The following ZMIZ1 variants were observed in gnomAD, a reference collection of about 807,000 sequenced individuals.
The protein encoded by ZMIZ1 is zinc finger MIZ-type containing 1.
In ZMIZ1, 17 loss-of-function variants were observed where a neutral mutation model predicts 113.9. The observed-to-expected ratio is 0.15, with a 90% CI of 0.10 to 0.22. ZMIZ1 has a LOEUF of 0.22. Among genes scored for constraint, ZMIZ1 ranks in the 10% least tolerant of loss-of-function variants. The pLI, the probability that ZMIZ1 is intolerant of heterozygous loss-of-function variation, is 1.00. For missense variants in ZMIZ1, 1,059 were observed against 1,477.8 expected (o/e 0.72, Z 4.65); for synonymous variants, 607 against 603.1 (o/e 1.01, Z -0.09).
At chr10:79,306,442 G>T (rs1371025136) in intron 22 of ZMIZ1, 98 bp downstream of exon 22, 3 of 1,533,118 alleles carry the variant, frequency 2.0e-6, no homozygotes, top group African/African-American at 2.7e-5. Flanking sequence ...GGGGTCGGGG[G>T]TGTGGTTGAA....
chr10:79,263,288 A>G (rs988128497), intron 7 of ZMIZ1, among the ~76,000 whole-genome samples: 1 of 152,206 alleles, frequency 6.6e-6, no homozygotes, highest in African/African-American at 2.4e-5. Context: ...AGGAACGAAT[A>G]GCCTTCTGAG....
At chr10:79,299,472 T>C (rs1028090178) in intron 16 of ZMIZ1, among the ~76,000 whole-genome samples, 9 of 152,248 alleles carry the variant, frequency 5.9e-5, no homozygotes, top group African/African-American at 2.2e-4. Flanking sequence ...TGGGAAGCTG[T>C]GTATCCCATC....
At chr10:79,268,121 G>A (rs946234715) in intron 7 of ZMIZ1, among the ~76,000 whole-genome samples, 1 of 152,222 alleles carries the variant, frequency 6.6e-6, no homozygotes, top group Non-Finnish European at 1.5e-5. Flanking sequence ...TCTCCAGGGA[G>A]CCCTGGGTGA....
Position 79,101,669 on chromosome 10 carries a change from C to T in ZMIZ1, c.-336-17246C>T, listed in dbSNP as rs141004930. On this transcript the variant is annotated intron_variant, in intron 1 of 24. Transcript: ENST00000334512. Reference sequence around the variant, plus strand: ...TCTCTAGGTAGGCAACTGGCACCTGCCTCCATCTGGGTGAACCAGGGCAGG... The same window carrying T: ...TCTCTAGGTAGGCAACTGGCACCTGTCTCCATCTGGGTGAACCAGGGCAGG... Among the ~76,000 whole-genome samples the T allele has an allele frequency of 1.0e-3, 155 of 152,306 alleles. 1 individual carries two copies. The highest frequency in any genetic ancestry group is 3.5e-3 in the African/African-American group (147 of 41,556).
At chr10:79,249,053 A>G (rs909048280) in intron 7 of ZMIZ1, among the ~76,000 whole-genome samples, 2 of 152,072 alleles carry the variant, frequency 1.3e-5, no homozygotes, top group African/African-American at 4.8e-5. Context: ...GTCTGGTTCA[A>G]CCCCTGTGTG....
At chr10:79,144,224 C>G (rs983701073) in intron 3 of ZMIZ1, among the ~76,000 whole-genome samples, 1 of 152,222 alleles carries the variant, frequency 6.6e-6, no homozygotes, top group African/African-American at 2.4e-5. Context: ...CTGGACTTAC[C>G]TCCATTGAAC....
chr10:79,305,741 C>A, intron 21 of ZMIZ1, 140 bp downstream of exon 21: 1 of 892,440 alleles, frequency 1.1e-6, no homozygotes, highest in Non-Finnish European at 1.8e-6. Context: ...ACCTCTCTGT[C>A]CCTTACCCTC....
At chr10:79,092,622 C>T (rs1343556492) in intron 1 of ZMIZ1, among the ~76,000 whole-genome samples, 1 of 152,208 alleles carries the variant, frequency 6.6e-6, no homozygotes, top group Non-Finnish European at 1.5e-5. Flanking sequence ...TTTCTGTGTA[C>T]GCTTCTTGGT....
intron 3 of ZMIZ1, among the ~76,000 whole-genome samples, chr10:79,153,367 A>C (rs1223533710): frequency 1.3e-5 from 2 of 152,176 alleles, no homozygotes; most frequent in African/African-American, 4.8e-5. Flanking sequence ...GCAGATAGAG[A>C]GACAGAGATG....
intron 23 of ZMIZ1, 145 bp from the exon 24 acceptor site, chr10:79,310,779 A>G (rs1213237249): frequency 4.1e-6 from 4 of 964,216 alleles, no homozygotes; most frequent in South Asian, 3.5e-5. Flanking sequence ...TTCTCTGCCC[A>G]GAAACAACGT....
chr10:79,111,118 T>C (rs1183673629), intron 1 of ZMIZ1, among the ~76,000 whole-genome samples: 1 of 152,228 alleles, frequency 6.6e-6, no homozygotes, highest in Non-Finnish European at 1.5e-5. Context: ...CCTGTGGGCT[T>C]CCCAGTCTGT....
chr10:79,248,912 A>G (rs1282016015), intron 7 of ZMIZ1, among the ~76,000 whole-genome samples: 1 of 151,706 alleles, frequency 6.6e-6, no homozygotes, highest in Admixed American at 6.6e-5. Context: ...CCACCCTCCC[A>G]GGGCTCCAGT....
intron 7 of ZMIZ1, among the ~76,000 whole-genome samples, chr10:79,257,413 A>G (rs1850983650): frequency 6.6e-6 from 1 of 152,252 alleles, no homozygotes; most frequent in Non-Finnish European, 1.5e-5. Flanking sequence ...AGGACTGGGC[A>G]CCATCTAGAG....
chr10:79,136,377 C>G (rs752404501), intron 2 of ZMIZ1, among the ~76,000 whole-genome samples: 1 of 152,266 alleles, frequency 6.6e-6, no homozygotes, highest in African/African-American at 2.4e-5. Flanking sequence ...GACCCCAGCC[C>G]TGCCTTGGGC....
At chr10:79,298,843 G>A (rs1250695965) in intron 15 of ZMIZ1, among the ~76,000 whole-genome samples, 1 of 152,236 alleles carries the variant, frequency 6.6e-6, no homozygotes, top group Non-Finnish European at 1.5e-5. Context: ...TGGAAGAAGA[G>A]GGGATGAGTC....
At chr10:79,240,715 ATAT>A in intron 7 of ZMIZ1, among the ~76,000 whole-genome samples, 2 of 118,406 alleles carry the variant, frequency 1.7e-5, no homozygotes, top group African/African-American at 3.4e-5. Flanking sequence ...GGAGGAGCGT[ATAT>A]TAATTCTCTT....
chr10:79,188,770 T>C (rs1847465827), intron 4 of ZMIZ1, among the ~76,000 whole-genome samples: 1 of 152,188 alleles, frequency 6.6e-6, no homozygotes, highest in African/African-American at 2.4e-5. Flanking sequence ...AAACTAGTTC[T>C]GTGGGATTTT....
rs140024663 is a variant in ZMIZ1, at chr10:79,214,273, C to T, written c.175-1896C>T. On this transcript the variant is annotated intron_variant, in intron 6 of 24. Coordinates refer to ENST00000334512, the MANE Select transcript of ZMIZ1 (RefSeq NM_020338.4). ...GCAAACAGAGCCCGTGGGAAAGAGGCCTAAGGAGTGTGGAAGACTTCTGTG... is the reference window on the plus strand; with the variant it reads ...GCAAACAGAGCCCGTGGGAAAGAGGTCTAAGGAGTGTGGAAGACTTCTGTG... Among the ~76,000 whole-genome samples the T allele has an allele frequency of 9.9e-4, 150 of 152,258 alleles. 3 individuals are homozygous for T. In the East Asian group the frequency reaches 0.021, roughly 22 times the overall value.
chr10:79,288,525 C>T (rs1423288782), intron 8 of ZMIZ1, among the ~76,000 whole-genome samples: 1 of 147,960 alleles, frequency 6.8e-6, no homozygotes, highest in Admixed American at 6.6e-5. Flanking sequence ...CACACATACG[C>T]ACACACACAT....
Sources: allele counts gnomAD v4.1 joint callset (sites outside exome capture counted in the v4.1 genomes callset), GRCh38; gene constraint gnomAD v4.1.1; transcripts MANE v1.5; gene names NCBI Gene and HGNC (gene_info 2026-07-23, HGNC 2026-07-21).